Variants in TFAP4 observed in about 807,000 individuals in gnomAD.
TFAP4 encodes activating enhancer-binding protein 4.
Under a neutral mutation model 40.4 loss-of-function variants are expected in TFAP4, and 7 were observed. The observed-to-expected ratio is 0.17, with a 90% CI of 0.10 to 0.33. TFAP4 has a LOEUF of 0.33. Among genes scored for constraint, TFAP4 ranks in the 10% least tolerant of loss-of-function variants. The pLI is 1.00. For synonymous variants in TFAP4, 218 were observed against 181.4 expected, an observed-to-expected ratio of 1.20 and a Z score of -1.62; for missense variants, 374 against 451.1, an observed-to-expected ratio of 0.83 and a Z score of 1.55.
At chr16:4,272,552 C>T (rs550207759) in intron 1 of TFAP4, 106 bp downstream of exon 1, 11 of 743,036 alleles carry the variant, frequency 1.5e-5, no homozygotes, top group African/African-American at 1.2e-4. Flanking sequence ...GAAAGGCTAG[C>T]GGGGTCGGCG....
At chr16:4,267,653 C>G (rs1206087987) in intron 1 of TFAP4, among the ~76,000 whole-genome samples, 1 of 152,246 alleles carries the variant, frequency 6.6e-6, no homozygotes, top group African/African-American at 2.4e-5. Flanking sequence ...TGCCCAGCTC[C>G]AGCCTCAAAC....
chr16:4,265,657 G>C (rs905389428), intron 1 of TFAP4: 1 of 135,852 alleles, frequency 7.4e-6, no homozygotes, highest in Admixed American at 8.0e-5. Context: ...TTCGGAAATC[G>C]CTGTAATCGT....
Position 4,260,174 on chromosome 16 carries a change from G to C in TFAP4, c.738C>G (p.His246Gln). The C allele has an allele frequency of 6.2e-7, 1 of 1,601,188 alleles. No homozygotes were observed. The highest frequency in any genetic ancestry group is 8.5e-7 in the Non-Finnish European group (1 of 1,175,826). The change falls in exon 6 of 7, where the codon CAC becomes CAG. Residue 246 changes from histidine to glutamine, a missense_variant. Transcript: ENST00000204517. ...IVPAPPPPPSHHINVVTMGPS... is the reference protein window; with the variant it reads ...IVPAPPPPPSQHINVVTMGPS... ...GGCCCATGGTGACGACATTGATGTG[G>C]TGGGAGGGAGGAGGAGGCGGTGCTG...
Position 4,262,657 on chromosome 16 carries a change from T to C in TFAP4, c.134A>G (p.Glu45Gly). The change falls in exon 2 of 7, where the codon GAG (glutamate) becomes GGG (glycine). Residue 45 changes from glutamate to glycine, a missense_variant. Coordinates refer to ENST00000204517, the MANE Select transcript of TFAP4 (RefSeq NM_003223.3). ...PLTPETQRDQERRIRREIANS... is the reference protein window; with the variant it reads ...PLTPETQRDQGRRIRREIANS... ...GGCGATCTCCCGCCGAATCCGCCGC[T>C]CCTGGTCCCGCTGAGTCTCGGGGGT... 1 of 1,611,110 alleles carries C rather than the reference T, an allele frequency of 6.2e-7. No individual in the cohort carries two copies. The highest frequency in any genetic ancestry group is 8.5e-7 in the Non-Finnish European group (1 of 1,179,946).
At chr16:4,259,104 A>G (rs1423954790) in intron 6 of TFAP4, among the ~76,000 whole-genome samples, 5 of 152,064 alleles carry the variant, frequency 3.3e-5, no homozygotes, top group Admixed American at 1.3e-4. Flanking sequence ...AAAAGAAAAA[A>G]AAAGAAATAA....
chr16:4,271,581 C>A (rs2053041011), intron 1 of TFAP4, among the ~76,000 whole-genome samples: 1 of 152,210 alleles, frequency 6.6e-6, no homozygotes, highest in Non-Finnish European at 1.5e-5. Context: ...GTCCATCACC[C>A]TTTGGGTTTA....
rs1235425478 is a variant in TFAP4 at position 4,257,294 on chromosome 16, C to T, written c.*761G>A. ...AAATATAATAGCTTCTCCTTGAACA[C>T]GAAGACCTCAAAATTGTAAAAAAAA... On this transcript the variant is annotated 3_prime_UTR_variant, in exon 7 of 7. Coordinates refer to ENST00000204517, the MANE Select transcript of TFAP4 (RefSeq NM_003223.3). 4 of 105,200 alleles carry T rather than the reference C, an allele frequency of 3.8e-5. No individual in the cohort carries two copies. Among genetic ancestry groups the T allele is most frequent in the Non-Finnish European group, 5.6e-5 (3 of 53,818 alleles). The allele number at this position is 105,200 out of a possible 1,614,324, so 6.5% of individuals were successfully genotyped here. A position where few individuals can be genotyped will look rare whatever the true frequency, so the allele number is the denominator to read the frequency against.
In TFAP4 at chr16:4,260,131, A is replaced by C. The variant is rs764701684; in HGVS notation, c.781T>G (p.Ser261Ala). The change falls in exon 6 of 7, where the codon TCT becomes GCT. Residue 261 changes from serine (S) to alanine (A), a missense_variant. This residue lies in a region of TFAP4 where 161 missense variants were observed against 154.2 expected (regional missense o/e 1.04). Transcript: ENST00000204517. ...AGATTTTGCCGGGATGTGGAAACAG[A>C]GTTGATGACCGAGGAGGGGCCCATG... ...VTMGPSSVIN[S>A]VSTSRQNLDT... 34 of 1,425,672 alleles carry C rather than the reference A, an allele frequency of 2.4e-5. No individual in the cohort carries two copies. The highest frequency in any genetic ancestry group is 2.9e-5 in the Non-Finnish European group (31 of 1,062,272). 88.3% of individuals were successfully genotyped at this position (1,425,672 alleles called of 1,614,324 possible).
intron 1 of TFAP4, chr16:4,265,177 G>C (rs1025337783): frequency 6.6e-6 from 1 of 152,210 alleles, no homozygotes; most frequent in Non-Finnish European, 1.5e-5. Flanking sequence ...GGGGGGCACA[G>C]AGGTTTGGGT....
chr16:4,262,990 G>A lies in TFAP4; in HGVS notation c.90-289C>T, dbSNP rs141882803. ...AGAGTTTGAGATCAGCCTAGGCAAC[G>A]TAGTGAGACCCTGTCTCTACAAAAA... On this transcript the variant is annotated intron_variant, in intron 1 of 6. Transcript: ENST00000204517. 7.6e-3 allele frequency: 3,150 copies of A among 416,448 alleles called. 18 individuals are homozygous for A. Among genetic ancestry groups the A allele is most frequent in the Non-Finnish European group, 0.012 (2,616 of 225,610 alleles). 25.8% of individuals were successfully genotyped at this position (416,448 alleles called of 1,614,324 possible).
chr16:4,260,033 A>C, intron 6 of TFAP4, 57 bp downstream of exon 6: 1 of 1,556,930 alleles, frequency 6.4e-7, no homozygotes, highest in Non-Finnish European at 8.7e-7. Context: ...TCTCCCCTAA[A>C]GAGCCTGTTC....
chr16:4,272,578 G>A, intron 1 of TFAP4, 80 bp downstream of exon 1: 2 of 1,132,330 alleles, frequency 1.8e-6, no homozygotes, highest in Non-Finnish European at 2.5e-6. Flanking sequence ...GGCCATGCGT[G>A]CGCACACGCG....
intron 5 of TFAP4, 66 bp from the exon 6 acceptor site, chr16:4,260,311 G>A (rs1597311572): frequency 1.3e-6 from 2 of 1,512,190 alleles, no homozygotes; most frequent in Non-Finnish European, 1.8e-6. Context: ...TCCCTTTCAT[G>A]CAGAGCTGGC....
In TFAP4 at chr16:4,260,148, G is replaced by A; in HGVS notation, c.764C>T (p.Pro255Leu). 6.2e-7 allele frequency: 1 copy of A among 1,609,678 alleles called. No homozygotes were observed. The highest frequency in any genetic ancestry group is 8.5e-7 in the Non-Finnish European group (1 of 1,178,590). The change falls in exon 6 of 7, where the codon CCC becomes CTC. Residue 255 changes from proline to leucine, a missense_variant. By Grantham distance (98) the Pro-to-Leu change is moderately conservative. Transcript: ENST00000204517. ...SHHINVVTMG[P>L]SSVINSVSTS... ...GGAAACAGAGTTGATGACCGAGGAG[G>A]GGCCCATGGTGACGACATTGATGTG...
At chr16:4,269,974 G>T (rs562447581) in intron 1 of TFAP4, among the ~76,000 whole-genome samples, 2 of 151,974 alleles carry the variant, frequency 1.3e-5, no homozygotes, top group African/African-American at 4.8e-5. Context: ...TGAGGTCAGG[G>T]GTTCGAGACC....
At chr16:4,260,275 T>G in intron 5 of TFAP4, 30 bp from the exon 6 acceptor site, 2 of 1,531,184 alleles carry the variant, frequency 1.3e-6, no homozygotes, top group Non-Finnish European at 1.8e-6. Flanking sequence ...AGCCTTTCTC[T>G]CAAGGCTTCT....
chr16:4,272,733 A>G lies in TFAP4; in HGVS notation c.14T>C (p.Met5Thr). ...AGAGGGCACCTTCTGAGTGGGCACC[A>G]TGAAATACTCCATAGCGATCGGCCC... MEYF[M>T]VPTQKVPSLQ... Residue 5 changes from methionine to threonine, a missense_variant, in exon 1 of 7, where the codon ATG (methionine) becomes ACG (threonine). Around this residue, in one of 6 missense-constraint regions of TFAP4, gnomAD observed 51 missense variants for 59.3 expected, o/e 0.86. Transcript: ENST00000204517. 1 of 1,613,518 alleles carries G rather than the reference A, an allele frequency of 6.2e-7. No individual in the cohort carries two copies. The highest frequency in any genetic ancestry group is 2.2e-5 in the East Asian group (1 of 44,850).
chr16:4,269,125 T>C (rs1300003011), intron 1 of TFAP4, among the ~76,000 whole-genome samples: 1 of 152,008 alleles, frequency 6.6e-6, no homozygotes, highest in Non-Finnish European at 1.5e-5. Context: ...TGGGCTCAAA[T>C]GATTTTTTCC....
At position 4,260,138 on chromosome 16, in the gene TFAP4, G is replaced by A. The variant is rs777093673; in HGVS notation, c.774C>T (p.Val258=). 2.5e-6 allele frequency: 4 copies of A among 1,598,150 alleles called. No individual in the cohort carries two copies. The highest frequency in any genetic ancestry group is 3.4e-6 in the Non-Finnish European group (4 of 1,172,062). ...GCCGGGATGTGGAAACAGAGTTGAT[G>A]ACCGAGGAGGGGCCCATGGTGACGA... ...INVVTMGPSS[V]INSVSTSRQN... is the part of the protein sequence containing the mutation. Residue 258 remains valine, a synonymous_variant, in exon 6 of 7, where the codon GTC becomes GTT. Transcript: ENST00000204517.
Sources: gnomAD v4.1 joint callset for allele counts (sites outside exome capture counted in the v4.1 genomes callset) on GRCh38, gnomAD v4.1.1 for gene constraint, gnomAD v4.1.1 regional missense constraint, MANE v1.5 for transcripts, NCBI Gene and HGNC (gene_info 2026-07-23, HGNC 2026-07-21) for gene names.